Variants in ANKS1B observed in about 807,000 individuals in gnomAD.
ANKS1B encodes the protein ankyrin repeat and sterile alpha motif domain-containing protein 1B.
Under a neutral mutation model 148.3 loss-of-function variants are expected in ANKS1B, and 36 were observed. The ratio of observed to expected loss-of-function variants is 0.24; its 90% CI spans 0.19 to 0.32. ANKS1B has a LOEUF of 0.32. ANKS1B is among the 10% of genes least tolerant of loss of function. The pLI, the probability that ANKS1B is intolerant of heterozygous loss-of-function variation, is 1.00. For synonymous variants in ANKS1B, 542 were observed against 560.8 expected (o/e 0.97, Z 0.47); for missense variants, 1,157 against 1,542.6 (o/e 0.75, Z 4.19).
intron 10 of ANKS1B, among the ~76,000 whole-genome samples, chr12:99,450,582 C>A (rs1047445375): frequency 4.6e-5 from 7 of 152,076 alleles, no homozygotes; most frequent in African/African-American, 1.7e-4. Flanking sequence ...TAATTAAGTA[C>A]TAAATTATTT....
At chr12:99,159,242 T>G (rs2076390422) in intron 14 of ANKS1B, among the ~76,000 whole-genome samples, 1 of 152,180 alleles carries the variant, frequency 6.6e-6, no homozygotes, top group Non-Finnish European at 1.5e-5. Context: ...ATTTTTGTTT[T>G]GGATTTAGGG....
chr12:99,122,313 C>T (rs1250914085), intron 15 of ANKS1B, among the ~76,000 whole-genome samples: 1 of 152,020 alleles, frequency 6.6e-6, no homozygotes, highest in East Asian at 1.9e-4. Context: ...GAAAATCAAG[C>T]TAGAGAGAAT....
chr12:99,773,122 AG>A, intron 7 of ANKS1B, 34 bp from the exon 8 acceptor site: 1 of 1,563,380 alleles, frequency 6.4e-7, no homozygotes, highest in Non-Finnish European at 8.7e-7. Flanking sequence ...GTTTCAAGAA[AG>A]GCTATTGTTA....
chr12:98,901,876 G>C (rs756487906), intron 17 of ANKS1B, among the ~76,000 whole-genome samples: 3 of 152,032 alleles, frequency 2.0e-5, no homozygotes, highest in Non-Finnish European at 4.4e-5. Flanking sequence ...TTATACTCAA[G>C]GCTTTTTTTT....
chr12:98,940,230 T>G (rs1017741362), intron 17 of ANKS1B, among the ~76,000 whole-genome samples: 2 of 152,146 alleles, frequency 1.3e-5, no homozygotes, highest in African/African-American at 4.8e-5. Context: ...GTCTTTGCTC[T>G]CTATGTGGCG....
chr12:98,907,085 T>G (rs1193544214), intron 17 of ANKS1B, among the ~76,000 whole-genome samples: 1 of 151,952 alleles, frequency 6.6e-6, no homozygotes, highest in African/African-American at 2.4e-5. Flanking sequence ...GCTCTCTTAG[T>G]GAATTTCAAG....
chr12:98,785,580 G>T lies in ANKS1B; in HGVS notation c.3343-3443C>A, dbSNP rs2098784952. On this transcript the variant is annotated intron_variant, in intron 22 of 26. Coordinates refer to ENST00000683438, the MANE Select transcript of ANKS1B (RefSeq NM_001352186.2). Reference sequence around the variant, plus strand: ...CTAGTAAGTGCCCACTTCATTTCATGAAGGCTTTACAGGCATCAAAATGTG... The same window carrying T: ...CTAGTAAGTGCCCACTTCATTTCATTAAGGCTTTACAGGCATCAAAATGTG... Among the ~76,000 whole-genome samples the T allele has an allele frequency of 2.0e-5, 3 of 152,198 alleles. No homozygotes were observed. In the South Asian group the frequency reaches 6.2e-4, roughly 32 times the overall value.
At chr12:98,924,033 GGCATGTGGGC>G (rs1258525368) in intron 17 of ANKS1B, among the ~76,000 whole-genome samples, 1 of 152,172 alleles carries the variant, frequency 6.6e-6, no homozygotes, top group Non-Finnish European at 1.5e-5. Flanking sequence ...GGAAGGGTTG[GGCATGTGGGC>G]GCCAGACTTA....
At chr12:99,405,987 A>G (rs2094522914) in intron 11 of ANKS1B, among the ~76,000 whole-genome samples, 1 of 145,888 alleles carries the variant, frequency 6.9e-6, no homozygotes, top group South Asian at 2.1e-4. Flanking sequence ...AGATGATATC[A>G]TAATTTCAAA....
At chr12:99,745,327 C>G (rs1484885854) in intron 8 of ANKS1B, among the ~76,000 whole-genome samples, 1 of 152,124 alleles carries the variant, frequency 6.6e-6, no homozygotes, top group Admixed American at 6.5e-5. Context: ...AGCATAAGAA[C>G]AGTAAACATT....
In ANKS1B at chr12:98,829,204, G is replaced by A; in HGVS notation, c.3036C>T (p.Pro1012=). Residue 1012 remains proline, a synonymous_variant, in exon 19 of 27, where the codon CCC becomes CCT. Coordinates refer to ENST00000683438, the MANE Select transcript of ANKS1B (RefSeq NM_001352186.2). This position sits in a 1 kb window ranked among gnomAD's most constrained non-coding sequence, Gnocchi z 5.2. ...CCATCTGCCTCTCCAGTTTTGATCG[G>A]GGAATATCATCAAAGTAGTTTTCAT... ...RRNENYFDDI[P]RSKLERQMAQ... 1 of 1,613,970 alleles carries A rather than the reference G, an allele frequency of 6.2e-7. No homozygotes were observed. Among genetic ancestry groups the A allele is most frequent in the South Asian group, 1.1e-5 (1 of 91,078 alleles).
chr12:99,200,154 T>C (rs1350238375), intron 14 of ANKS1B, among the ~76,000 whole-genome samples: 1 of 152,126 alleles, frequency 6.6e-6, no homozygotes, highest in Non-Finnish European at 1.5e-5. Context: ...AAAGGAGAGA[T>C]GGGGCACAAC....
chr12:98,915,831 C>T (rs1244536464), intron 17 of ANKS1B, among the ~76,000 whole-genome samples: 1 of 152,206 alleles, frequency 6.6e-6, no homozygotes, highest in Non-Finnish European at 1.5e-5. Flanking sequence ...GCCAGAAACA[C>T]ACCATGGTGA....
At chr12:99,660,366 T>TTC (rs1489096573) in intron 8 of ANKS1B, among the ~76,000 whole-genome samples, 10 of 145,504 alleles carry the variant, frequency 6.9e-5, no homozygotes, top group African/African-American at 2.5e-4. Context: ...TCTTTTTCTT[T>TTC]TTTTTTTTTT....
intron 8 of ANKS1B, among the ~76,000 whole-genome samples, chr12:99,695,621 T>C (rs1185498451): frequency 6.6e-6 from 1 of 152,094 alleles, no homozygotes. Context: ...CCACTTAAAA[T>C]TAGATTCATA....
chr12:98,902,006 T>C (rs571228194), intron 17 of ANKS1B, among the ~76,000 whole-genome samples: 1 of 152,292 alleles, frequency 6.6e-6, no homozygotes, highest in Non-Finnish European at 1.5e-5. Flanking sequence ...TTTAAAACAA[T>C]AGACTGCCTG....
At chr12:99,526,896 A>T (rs1325137003) in intron 9 of ANKS1B, among the ~76,000 whole-genome samples, 1 of 152,228 alleles carries the variant, frequency 6.6e-6, no homozygotes, top group East Asian at 1.9e-4. Context: ...AGATGAGGTT[A>T]TTAGGGTGGA....
Position 99,741,712 on chromosome 12 carries a change from A to G in ANKS1B, c.1128+31210T>C, listed in dbSNP as rs926029326. Among the ~76,000 whole-genome samples the G allele has an allele frequency of 1.8e-4, 28 of 152,146 alleles. No individual in the cohort carries two copies. In the South Asian group the frequency reaches 2.5e-3, roughly 14 times the overall value. On this transcript the variant is annotated intron_variant, in intron 8 of 26. Coordinates refer to ENST00000683438, the MANE Select transcript of ANKS1B (RefSeq NM_001352186.2). Reference sequence around the variant, plus strand: ...TTGAACAATGAGAACATATGGACACAGGGAGGGGAACATCACACACTGGGG... The same window carrying G: ...TTGAACAATGAGAACATATGGACACGGGGAGGGGAACATCACACACTGGGG...
intron 12 of ANKS1B, among the ~76,000 whole-genome samples, chr12:99,387,474 A>T (rs140359966): frequency 2.0e-5 from 3 of 151,912 alleles, no homozygotes; most frequent in African/African-American, 7.3e-5. Flanking sequence ...AAATTAGCCA[A>T]GTGTGGTGGT....
Sources: allele counts gnomAD v4.1 joint callset (sites outside exome capture counted in the v4.1 genomes callset), GRCh38; gene constraint gnomAD v4.1.1; non-coding constraint Gnocchi (gnomAD v3.1); transcripts MANE v1.5; gene names NCBI Gene and HGNC (gene_info 2026-07-23, HGNC 2026-07-21).